GAB2: variants seen among roughly 807,000 people sequenced by gnomAD.
GAB2 encodes the protein GRB2-associated-binding protein 2.
In GAB2, 26 loss-of-function variants were observed where a neutral mutation model predicts 65.5. The observed-to-expected ratio is 0.40, with a 90% CI of 0.29 to 0.55. GAB2 has a LOEUF of 0.55. Ranked by LOEUF, GAB2 falls within the 20% of genes least tolerant of loss-of-function variation. GAB2 has a pLI of 0.53. For synonymous variants in GAB2, 321 were observed against 329.6 expected (o/e 0.97, Z 0.28); for missense variants, 884 against 875.8 (o/e 1.01, Z -0.12).
intron 1 of GAB2, among the ~76,000 whole-genome samples, chr11:78,342,691 A>C (rs1856119082): frequency 6.6e-6 from 1 of 152,136 alleles, no homozygotes; most frequent in Non-Finnish European, 1.5e-5. Context: ...TACAGGTGTG[A>C]ACCACCGCGC....
intron 2 of GAB2, among the ~76,000 whole-genome samples, chr11:78,254,556 T>G (rs1383149628): frequency 6.6e-6 from 1 of 152,102 alleles, no homozygotes; most frequent in African/African-American, 2.4e-5. Flanking sequence ...TCCCAACGCT[T>G]TGGGAGGCCA....
intron 1 of GAB2, among the ~76,000 whole-genome samples, chr11:78,314,952 T>C (rs111818119): frequency 0.039 from 5,873 of 152,256 alleles, 371 homozygotes; most frequent in African/African-American, 0.13. Flanking sequence ...GGGCTTGCTA[T>C]GGGAGCAGTG....
rs115258302 is a variant in GAB2, at chr11:78,387,044, C to G, written c.75+30602G>C. 3.9e-3 allele frequency among the ~76,000 whole-genome samples: 595 copies of G among 152,222 alleles called. 1 individual carries two copies. Among genetic ancestry groups the G allele is most frequent in the African/African-American group, 0.013 (532 of 41,530 alleles). On this transcript the variant is annotated intron_variant, in intron 1 of 9. Transcript: ENST00000361507. The stretch of plus-strand genomic sequence containing the variant: ...TTACCAAAATAATGAATGAATGAAT[C>G]AATCAATCAATGAATGAGGTGGGGA...
At chr11:78,285,973 G>C (rs915025758) in intron 1 of GAB2, among the ~76,000 whole-genome samples, 1 of 152,098 alleles carries the variant, frequency 6.6e-6, no homozygotes, top group Non-Finnish European at 1.5e-5. Flanking sequence ...TCCCAACTAG[G>C]ACATGAACAA....
At chr11:78,264,591 G>A (rs544373346) in intron 2 of GAB2, among the ~76,000 whole-genome samples, 1 of 151,274 alleles carries the variant, frequency 6.6e-6, no homozygotes, top group Non-Finnish European at 1.5e-5. Context: ...TTTTTTAGTA[G>A]TGTCGGGGTT....
At position 78,346,674 on chromosome 11, in the gene GAB2, C is replaced by CACATAT. The variant is rs1419527810; in HGVS notation, c.76-65774_76-65773insATATGT. Among the ~76,000 whole-genome samples the CACATAT allele has an allele frequency of 1.7e-3, 95 of 54,896 alleles. 4 individuals are homozygous for CACATAT. The highest frequency in any genetic ancestry group is 6.2e-3 in the African/African-American group (88 of 14,094). 36.0% of individuals were successfully genotyped at this position (54,896 alleles called of 152,430 possible). A position where few individuals can be genotyped will look rare whatever the true frequency, so the allele number is the denominator to read the frequency against. On this transcript the variant is annotated intron_variant, in intron 1 of 9. Transcript: ENST00000361507. ...TGGGCTGTTCTGTTTACATCCCCTC[C>CACATAT]ATATATATATATATATATATATATA...
At chr11:78,233,051 T>G (rs951871161) in intron 3 of GAB2, among the ~76,000 whole-genome samples, 2 of 151,196 alleles carry the variant, frequency 1.3e-5, no homozygotes, top group Admixed American at 6.6e-5. Context: ...TTTTTTTTTT[T>G]TTTTTGGTGA....
At position 78,336,625 on chromosome 11, in the gene GAB2, T is replaced by C. The variant is rs760517776; in HGVS notation, c.76-55724A>G. On this transcript the variant is annotated intron_variant, in intron 1 of 9. Coordinates refer to ENST00000361507, the MANE Select transcript of GAB2 (RefSeq NM_080491.3). The stretch of plus-strand genomic sequence containing the variant: ...AAAACCTTGGTAAAGTGCTTTGTTT[T>C]ATAAAATAGATAATAGTTAGAATTT... Among the ~76,000 whole-genome samples, 3 of 152,126 alleles carry C rather than the reference T, an allele frequency of 2.0e-5. No homozygotes were observed. In the East Asian group the frequency reaches 5.8e-4, roughly 29 times the overall value.
At chr11:78,250,911 T>A (rs910132068) in intron 2 of GAB2, among the ~76,000 whole-genome samples, 3 of 152,062 alleles carry the variant, frequency 2.0e-5, no homozygotes, top group Non-Finnish European at 4.4e-5. Context: ...AGGGTGCACA[T>A]GGACATAAAG....
intron 2 of GAB2, among the ~76,000 whole-genome samples, chr11:78,262,289 G>A (rs1865755141): frequency 6.6e-6 from 1 of 152,222 alleles, no homozygotes. Context: ...GAAACCTAGG[G>A]ATGGTACCTG....
chr11:78,220,313 A>G lies in GAB2; in HGVS notation c.1887+6T>C, dbSNP rs1864356585. On this transcript the variant is annotated splice_donor_region_variant and intron_variant, in intron 9 of 9. Coordinates refer to ENST00000361507, the MANE Select transcript of GAB2 (RefSeq NM_080491.3). ...CTTACTGCCCCCCCAACTCTACTCCAGGCACCTTGCGGTGGGGGCTTGGGG... is the reference window on the plus strand; with the variant it reads ...CTTACTGCCCCCCCAACTCTACTCCGGGCACCTTGCGGTGGGGGCTTGGGG... 3.1e-6 allele frequency: 5 copies of G among 1,612,120 alleles called. No homozygotes were observed. The highest frequency in any genetic ancestry group is 4.2e-6 in the Non-Finnish European group (5 of 1,179,718).
chr11:78,390,806 CTTCTCTCTCACACAGATACA>C (rs1856825189), intron 1 of GAB2, among the ~76,000 whole-genome samples: 1 of 152,196 alleles, frequency 6.6e-6, no homozygotes, highest in African/African-American at 2.4e-5. Context: ...TAGATATCCT[CTTCTCTCTCACACAGATACA>C]TAGTAAGCAT....
intron 2 of GAB2, among the ~76,000 whole-genome samples, chr11:78,268,100 T>A (rs1181758963): frequency 6.6e-6 from 1 of 152,146 alleles, no homozygotes. Context: ...GGGTGGGCAG[T>A]TGAGTGCAGC....
At chr11:78,227,986 T>G (rs771880397) in intron 3 of GAB2, among the ~76,000 whole-genome samples, 2 of 152,156 alleles carry the variant, frequency 1.3e-5, no homozygotes, top group Admixed American at 6.5e-5. Flanking sequence ...AAAGTTTTGA[T>G]TAGTACATTT....
chr11:78,253,965 C>T (rs1037729778), intron 2 of GAB2, among the ~76,000 whole-genome samples: 6 of 152,168 alleles, frequency 3.9e-5, no homozygotes, highest in Non-Finnish European at 5.9e-5. Context: ...CTTCATGCCC[C>T]CTATGTTGAA....
At chr11:78,269,940 A>T (rs989815803) in intron 2 of GAB2, among the ~76,000 whole-genome samples, 3 of 152,230 alleles carry the variant, frequency 2.0e-5, no homozygotes, top group Admixed American at 6.5e-5. Context: ...CAAAATCTCC[A>T]AGAGTTACAA....
intron 1 of GAB2, among the ~76,000 whole-genome samples, chr11:78,312,070 C>T (rs1446159330): frequency 6.6e-6 from 1 of 151,906 alleles, no homozygotes; most frequent in Non-Finnish European, 1.5e-5. Context: ...AGCCCTTTTT[C>T]TAGGTCTGTG....
rs186545568 is a variant in GAB2, at chr11:78,297,164, A to G, written c.76-16263T>C. Among the ~76,000 whole-genome samples, 5 of 152,320 alleles carry G rather than the reference A, an allele frequency of 3.3e-5. No individual in the cohort carries two copies. In the East Asian group the frequency reaches 9.6e-4, roughly 29 times the overall value. On this transcript the variant is annotated intron_variant, in intron 1 of 9. Coordinates refer to ENST00000361507, the MANE Select transcript of GAB2 (RefSeq NM_080491.3). ...ATGTGTGAATATGAGGATTCACTGT[A>G]TATGAAAAAGTTTGGTGTACTCAAA...
chr11:78,336,480 GT>G (rs59349951), intron 1 of GAB2, among the ~76,000 whole-genome samples: 8,766 of 127,570 alleles, frequency 0.069, 804 homozygotes, highest in African/African-American at 0.23. Context: ...AATAGTTGTT[GT>G]TTTTTTTTTT....
Sources: allele counts gnomAD v4.1 joint callset (sites outside exome capture counted in the v4.1 genomes callset), GRCh38; gene constraint gnomAD v4.1.1; transcripts MANE v1.5; gene names NCBI Gene and HGNC (gene_info 2026-07-23, HGNC 2026-07-21).